Variants in ZC3H18 observed in about 807,000 individuals in gnomAD.
ZC3H18 encodes zinc finger CCCH-type containing 18, also known as zinc finger CCCH domain-containing protein 18.
In ZC3H18, 8 loss-of-function variants were observed where a neutral mutation model predicts 106.1. The observed-to-expected ratio is 0.08, with a 90% confidence interval of 0.04 to 0.14. ZC3H18 has a LOEUF of 0.14. Ranked by LOEUF, ZC3H18 falls within the 10% of genes least tolerant of loss-of-function variation. The pLI, the probability that ZC3H18 is intolerant of heterozygous loss-of-function variation, is 1.00. For missense variants in ZC3H18, 1,318 were observed against 1,278.4 expected (o/e 1.03, Z -0.47); for synonymous variants, 635 against 522.1 (o/e 1.22, Z -2.95).
Position 88,598,526 on chromosome 16 carries a change from C to T in ZC3H18, c.838-94C>T, listed in dbSNP as rs529916548. The T allele has an allele frequency of 3.4e-5, 49 of 1,449,074 alleles. No individual in the cohort carries two copies. The East Asian group carries it at 1.0e-3, about 31-fold the overall frequency. The allele number at this position is 1,449,074 out of a possible 1,614,324, so 89.8% of individuals were successfully genotyped here. On this transcript the variant is annotated intron_variant, in intron 4 of 17. Transcript: ENST00000301011. The stretch of plus-strand genomic sequence containing the variant: ...TGGAAGGAGAGCGGCCACACACGGC[C>T]GGCTTGTGTTGTAGTTGATGTTTTT...
chr16:88,571,805 G>C (rs1914424125), intron 1 of ZC3H18: 1 of 340,644 alleles, frequency 2.9e-6, no homozygotes, highest in South Asian at 1.2e-4. Flanking sequence ...CGTGGGGTCT[G>C]TCACCAACCT....
chr16:88,619,299 G>A (rs995635621), intron 8 of ZC3H18, among the ~76,000 whole-genome samples: 1 of 152,168 alleles, frequency 6.6e-6, no homozygotes, highest in Non-Finnish European at 1.5e-5. Context: ...GGAAAAAAAT[G>A]GTTATCTGCA....
rs946426343 is a variant in ZC3H18, at chr16:88,631,295, C to G, written c.2858C>G (p.Ala953Gly). The change falls in exon 18 of 18, where the codon GCA becomes GGA. Residue 953 changes from alanine (A) to glycine (G), a missense_variant. Ala to Gly is a moderately conservative substitution (Grantham distance 60). This residue lies in a region of ZC3H18 where 13 missense variants were observed against 40.8 expected (regional missense o/e 0.32). Transcript: ENST00000301011. ...ARKRAKIPGK[A>G] ...AAGCGGGCCAAGATCCCCGGGAAAG[C>G]ATAGGCCGTGCCCCGACCGGACTGG... The G allele has an allele frequency of 6.3e-7, 1 of 1,579,938 alleles. No homozygotes were observed. Among genetic ancestry groups the G allele is most frequent in the African/African-American group, 1.4e-5 (1 of 73,822 alleles).
chr16:88,608,898 A>C, intron 6 of ZC3H18, 36 bp from the exon 7 acceptor site: 1 of 1,551,226 alleles, frequency 6.4e-7, no homozygotes, highest in Non-Finnish European at 8.9e-7. Context: ...CAGTGCTCCT[A>C]AGTGATGAGA....
intron 10 of ZC3H18, 59 bp from the exon 11 acceptor site, chr16:88,623,899 C>T: frequency 1.3e-6 from 2 of 1,548,174 alleles, no homozygotes; most frequent in Non-Finnish European, 1.7e-6. Context: ...CCTCAGTGGG[C>T]TTGGGCTGGT....
intron 8 of ZC3H18, among the ~76,000 whole-genome samples, chr16:88,621,229 ATT>A (rs35374963): frequency 1.6e-5 from 2 of 124,618 alleles, no homozygotes; most frequent in African/African-American, 3.0e-5. Context: ...TTTTGTTTTT[ATT>A]TTTTTTTTTT....
At chr16:88,621,131 G>A (rs1220905728) in intron 8 of ZC3H18, among the ~76,000 whole-genome samples, 3 of 151,984 alleles carry the variant, frequency 2.0e-5, no homozygotes, top group African/African-American at 4.8e-5. Flanking sequence ...TACAACCTCC[G>A]CCTCCCAGTT....
intron 1 of ZC3H18, among the ~76,000 whole-genome samples, chr16:88,574,921 CT>C (rs923324394): frequency 6.6e-6 from 1 of 151,356 alleles, no homozygotes; most frequent in Admixed American, 6.6e-5. Context: ...GCCCCGCCCC[CT>C]GGGTTCACGC....
At chr16:88,609,822 A>G (rs1905189856) in intron 7 of ZC3H18, among the ~76,000 whole-genome samples, 1 of 152,062 alleles carries the variant, frequency 6.6e-6, no homozygotes, top group African/African-American at 2.4e-5. Flanking sequence ...GCTGGTCTCA[A>G]ACTTCCGATC....
At chr16:88,582,317 C>T (rs190024226) in intron 2 of ZC3H18, among the ~76,000 whole-genome samples, 61 of 145,694 alleles carry the variant, frequency 4.2e-4, no homozygotes, top group African/African-American at 1.3e-3. Context: ...CTCTGCCTCC[C>T]GGGTTCAAGC....
intron 11 of ZC3H18, 129 bp downstream of exon 11, chr16:88,624,191 C>G: frequency 7.7e-7 from 1 of 1,305,692 alleles, no homozygotes; most frequent in Non-Finnish European, 1.0e-6. Context: ...GGGCTGGCCC[C>G]AGGGGGTGAC....
In ZC3H18 at chr16:88,570,761, C is replaced by T. The variant is rs141519297; in HGVS notation, c.-15+195C>T. On this transcript the variant is annotated intron_variant, in intron 1 of 17. Coordinates refer to ENST00000301011, the MANE Select transcript of ZC3H18 (RefSeq NM_144604.4). ...TTGAGACAGGCACCACCCCGAGTTC[C>T]GTCCGTAAGCCGGCCCCGCGGTCCT... Among the ~76,000 whole-genome samples, 11 of 151,866 alleles carry T rather than the reference C, an allele frequency of 7.2e-5. No homozygotes were observed. In the East Asian group the frequency reaches 1.6e-3, roughly 22 times the overall value.
At chr16:88,575,140 C>G (rs1052259838) in intron 1 of ZC3H18, among the ~76,000 whole-genome samples, 4 of 149,200 alleles carry the variant, frequency 2.7e-5, no homozygotes, top group Non-Finnish European at 4.5e-5. Context: ...CTAATGTGTA[C>G]TTAATCTTAA....
chr16:88,590,423 C>T (rs1567582468), intron 3 of ZC3H18, among the ~76,000 whole-genome samples: 3 of 152,188 alleles, frequency 2.0e-5, no homozygotes, highest in Admixed American at 1.3e-4. Context: ...AGCACATACA[C>T]TACAACTGGA....
At chr16:88,570,631 AGGC>A (rs1036935676) in intron 1 of ZC3H18, 65 bp downstream of exon 1, 3 of 149,926 alleles carry the variant, frequency 2.0e-5, no homozygotes, top group South Asian at 1.9e-4. Flanking sequence ...GAGGCCGCCG[AGGC>A]GGCGGCGGCG....
Position 88,631,405 on chromosome 16 carries a change from T to G in ZC3H18, c.*106T>G. The G allele has an allele frequency of 6.9e-7, 1 of 1,442,992 alleles. No individual in the cohort carries two copies. The allele number at this position is 1,442,992 out of a possible 1,614,324, so 89.4% of individuals were successfully genotyped here. A position where few individuals can be genotyped will look rare whatever the true frequency, so the allele number is the denominator to read the frequency against. ...TTTGGCTGTGATTCTTTTTAAAAAG[T>G]AAAAAAGAAAAAAAAGTTTCTCAGC... On this transcript the variant is annotated 3_prime_UTR_variant, in exon 18 of 18. Transcript: ENST00000301011.
At chr16:88,585,262 G>C (rs1225704869) in intron 2 of ZC3H18, among the ~76,000 whole-genome samples, 1 of 152,200 alleles carries the variant, frequency 6.6e-6, no homozygotes, top group Non-Finnish European at 1.5e-5. Context: ...TTAATAACCA[G>C]ATATCTTTGA....
In ZC3H18 at chr16:88,622,401, C is replaced by T. The variant is rs761079479; in HGVS notation, c.1667+13C>T. 9.4e-6 allele frequency: 15 copies of T among 1,591,690 alleles called. No individual in the cohort carries two copies. The highest frequency in any genetic ancestry group is 1.7e-4 in the Middle Eastern group (1 of 6,026). On this transcript the variant is annotated intron_variant, in intron 9 of 17. Coordinates refer to ENST00000301011, the MANE Select transcript of ZC3H18 (RefSeq NM_144604.4). ...CTAATTCCTCCAGGTAAGGAGGGCT[C>T]GTGGGACGGCTGGGGTGTCAGCACC...
chr16:88,589,342 T>A (rs966274091), intron 3 of ZC3H18, among the ~76,000 whole-genome samples: 1 of 152,214 alleles, frequency 6.6e-6, no homozygotes, highest in African/African-American at 2.4e-5. Flanking sequence ...ACGTGTGCAT[T>A]TATGTGAAAG....
Sources: allele counts gnomAD v4.1 joint callset (sites outside exome capture counted in the v4.1 genomes callset), GRCh38; gene constraint gnomAD v4.1.1; regional missense constraint gnomAD v4.1.1; transcripts MANE v1.5; gene names NCBI Gene and HGNC (gene_info 2026-07-23, HGNC 2026-07-21).